Variants in PTPRK observed in about 807,000 individuals in gnomAD.
PTPRK encodes the protein receptor-type tyrosine-protein phosphatase kappa.
In PTPRK, 75 loss-of-function variants were observed where a neutral mutation model predicts 178.0. The ratio of observed to expected loss-of-function variants is 0.42; its 90% confidence interval spans 0.35 to 0.51. The LOEUF is 0.51. PTPRK is among the 20% of genes least tolerant of loss of function. The pLI, the probability that PTPRK is intolerant of heterozygous loss-of-function variation, is 0.02. For missense variants in PTPRK, 1,441 were observed against 1,797.8 expected (o/e 0.80, Z 3.59); for synonymous variants, 637 against 620.6 (o/e 1.03, Z -0.39).
chr6:128,298,179 G>A (rs1029998000), intron 3 of PTPRK, among the ~76,000 whole-genome samples: 2 of 152,074 alleles, frequency 1.3e-5, no homozygotes, highest in African/African-American at 2.4e-5. Flanking sequence ...ACTAAAACAG[G>A]AAGAAGTTGA....
At chr6:128,403,353 G>A (rs531957498) in intron 1 of PTPRK, among the ~76,000 whole-genome samples, 20 of 152,238 alleles carry the variant, frequency 1.3e-4, no homozygotes, top group Admixed American at 1.1e-3. Context: ...TATGAATAAG[G>A]CTTAAGAATT....
At chr6:128,161,115 A>G (rs1798647448) in intron 7 of PTPRK, among the ~76,000 whole-genome samples, 1 of 151,738 alleles carries the variant, frequency 6.6e-6, no homozygotes, top group South Asian at 2.1e-4. Flanking sequence ...AATCATATAA[A>G]AGATACAACT....
At chr6:128,241,358 C>T (rs537345259) in intron 4 of PTPRK, 85 of 525,020 alleles carry the variant, frequency 1.6e-4, no homozygotes, top group Non-Finnish European at 3.2e-4. Flanking sequence ...GGCCCCACCC[C>T]AGACCTATTC....
At chr6:128,294,420 C>A (rs1047710932) in intron 3 of PTPRK, among the ~76,000 whole-genome samples, 7 of 151,974 alleles carry the variant, frequency 4.6e-5, no homozygotes, top group African/African-American at 1.7e-4. Context: ...AATGCTGTTT[C>A]ATATCTATTT....
chr6:128,513,164 T>C (rs964723961), intron 1 of PTPRK, among the ~76,000 whole-genome samples: 2 of 152,074 alleles, frequency 1.3e-5, no homozygotes, highest in African/African-American at 2.4e-5. Context: ...GAATATTAAA[T>C]AATAATCAAG....
At chr6:128,407,364 C>G (rs1032037454) in intron 1 of PTPRK, among the ~76,000 whole-genome samples, 2 of 152,158 alleles carry the variant, frequency 1.3e-5, no homozygotes, top group Non-Finnish European at 1.5e-5. Flanking sequence ...GGGCCTGGCA[C>G]AGTGGCTCAT....
chr6:128,022,588 C>T (rs1773691138), intron 13 of PTPRK, among the ~76,000 whole-genome samples: 2 of 152,138 alleles, frequency 1.3e-5, no homozygotes, highest in African/African-American at 4.8e-5. Flanking sequence ...CAATGACCCC[C>T]AGCTTACGGA....
At chr6:127,976,292 T>A (rs1194379487) in intron 27 of PTPRK, among the ~76,000 whole-genome samples, 2 of 60,886 alleles carry the variant, frequency 3.3e-5, no homozygotes, top group South Asian at 6.8e-4. Context: ...AATGTTCTTA[T>A]TTTTTTTATC....
At chr6:128,416,327 A>C (rs1842844455) in intron 1 of PTPRK, among the ~76,000 whole-genome samples, 1 of 151,878 alleles carries the variant, frequency 6.6e-6, no homozygotes, top group Non-Finnish European at 1.5e-5. Flanking sequence ...GATCAAGTTG[A>C]AGGTGGAATA....
chr6:128,099,640 T>A (rs991680243), intron 7 of PTPRK, among the ~76,000 whole-genome samples: 1 of 152,204 alleles, frequency 6.6e-6, no homozygotes, highest in Non-Finnish European at 1.5e-5. Context: ...AAAGTCAGCA[T>A]GACTATTGAT....
chr6:128,034,010 T>C (rs1397669984), intron 13 of PTPRK, among the ~76,000 whole-genome samples: 1 of 152,218 alleles, frequency 6.6e-6, no homozygotes, highest in African/African-American at 2.4e-5. Context: ...ATTCTTTATA[T>C]CTTCATACGA....
rs113474860 is a variant in PTPRK, at chr6:128,050,325, T to G, written c.2194+14433A>C. On this transcript the variant is annotated intron_variant, in intron 13 of 29. Coordinates refer to ENST00000368226, the MANE Select transcript of PTPRK (RefSeq NM_002844.4). ...TCACAGACACCTTCCTTGAGACGTA[T>G]TCTCCTTTTTGCTTTCAAATATACA... is the stretch of plus-strand genomic sequence containing the variant. Among the ~76,000 whole-genome samples, 1,400 of 152,288 alleles carry G rather than the reference T, an allele frequency of 9.2e-3. 24 individuals carry two copies. Among genetic ancestry groups the G allele is most frequent in the African/African-American group, 0.032 (1,338 of 41,546 alleles).
At chr6:128,263,426 G>C (rs1818474768) in intron 3 of PTPRK, among the ~76,000 whole-genome samples, 2 of 152,068 alleles carry the variant, frequency 1.3e-5, no homozygotes, top group South Asian at 4.1e-4. Context: ...TTCAGAGGTA[G>C]AAATGCTCTC....
chr6:128,127,450 G>A (rs1266693332), intron 7 of PTPRK, among the ~76,000 whole-genome samples: 1 of 152,078 alleles, frequency 6.6e-6, no homozygotes, highest in African/African-American at 2.4e-5. Flanking sequence ...TTCATTTATT[G>A]TGTTTTTATT....
At chr6:128,197,473 A>G (rs1805089736) in intron 6 of PTPRK, among the ~76,000 whole-genome samples, 1 of 152,116 alleles carries the variant, frequency 6.6e-6, no homozygotes, top group Non-Finnish European at 1.5e-5. Flanking sequence ...CTTAAACTAT[A>G]AAGGCACTAA....
chr6:128,325,224 T>C (rs1310886816), intron 2 of PTPRK, among the ~76,000 whole-genome samples: 3 of 152,126 alleles, frequency 2.0e-5, no homozygotes. Context: ...TTGTTTTAAG[T>C]GCAACCTTTA....
chr6:128,487,634 G>A (rs189626432), intron 1 of PTPRK, among the ~76,000 whole-genome samples: 1 of 152,136 alleles, frequency 6.6e-6, no homozygotes, highest in East Asian at 1.9e-4. Context: ...GAACAGACAG[G>A]TGTTCACAAA....
chr6:128,406,568 G>A (rs1006935608), intron 1 of PTPRK, among the ~76,000 whole-genome samples: 1 of 152,072 alleles, frequency 6.6e-6, no homozygotes, highest in African/African-American at 2.4e-5. Context: ...TTAGCCTTCT[G>A]TCTGGTCCAG....
At chr6:127,981,417 C>T in intron 24 of PTPRK, 128 bp from the exon 25 acceptor site, 1 of 750,078 alleles carries the variant, frequency 1.3e-6, no homozygotes, top group Non-Finnish European at 2.1e-6. Context: ...GCATTTGCTA[C>T]TATGACAGGC....
Sources: gnomAD v4.1 joint callset for allele counts (sites outside exome capture counted in the v4.1 genomes callset) on GRCh38, gnomAD v4.1.1 for gene constraint, MANE v1.5 for transcripts, NCBI Gene and HGNC (gene_info 2026-07-23, HGNC 2026-07-21) for gene names.